Variants in NRG1 observed in about 807,000 individuals in gnomAD.
NRG1 encodes the protein pro-neuregulin-1, membrane-bound isoform.
In NRG1, 18 loss-of-function variants were observed where a neutral mutation model predicts 63.8. The observed-to-expected ratio is 0.28, with a 90% CI of 0.19 to 0.42. NRG1 has a LOEUF of 0.42. NRG1 is among the 10% of genes least tolerant of loss of function. NRG1 has a pLI of 1.00. For synonymous variants in NRG1, 302 were observed against 301.3 expected (o/e 1.00, Z -0.02); for missense variants, 762 against 814.7 (o/e 0.94, Z 0.79).
chr8:32,270,777 T>C (rs538102056), intron 1 of NRG1, among the ~76,000 whole-genome samples: 1 of 152,320 alleles, frequency 6.6e-6, no homozygotes, highest in African/African-American at 2.4e-5. Context: ...TTGAGAACAT[T>C]GACACCACAG....
At chr8:31,878,469 T>TA (rs1308781390) in intron 1 of NRG1, among the ~76,000 whole-genome samples, 2 of 152,222 alleles carry the variant, frequency 1.3e-5, no homozygotes, top group African/African-American at 4.8e-5. Context: ...AAAAGCAGTA[T>TA]ACTCAGGGGA....
chr8:32,413,345 G>A (rs913188115), intron 1 of NRG1, among the ~76,000 whole-genome samples: 3 of 152,134 alleles, frequency 2.0e-5, no homozygotes, highest in African/African-American at 7.2e-5. Flanking sequence ...ATATAGATGA[G>A]AGTAAAAGGC....
At chr8:31,751,856 G>T (rs1816506258) in intron 1 of NRG1, among the ~76,000 whole-genome samples, 1 of 151,970 alleles carries the variant, frequency 6.6e-6, no homozygotes, top group Non-Finnish European at 1.5e-5. Flanking sequence ...TAATAAAATG[G>T]ATGGGGGTGC....
chr8:31,736,977 CA>C (rs766851248), intron 1 of NRG1, among the ~76,000 whole-genome samples: 2 of 152,118 alleles, frequency 1.3e-5, no homozygotes, highest in African/African-American at 2.4e-5. Flanking sequence ...TGGACAAATA[CA>C]TGGTTTTGGT....
chr8:31,652,808 G>C (rs760913343), intron 1 of NRG1, among the ~76,000 whole-genome samples: 1 of 152,156 alleles, frequency 6.6e-6, no homozygotes, highest in Non-Finnish European at 1.5e-5. Context: ...CAAGTGAAAA[G>C]TGTTGTATAA....
chr8:32,699,016 A>G (rs1327010788), intron 5 of NRG1, among the ~76,000 whole-genome samples: 8 of 152,190 alleles, frequency 5.3e-5, no homozygotes, highest in Non-Finnish European at 1.0e-4. Context: ...AAAATTCACA[A>G]GTGCCATTAT....
intron 1 of NRG1, among the ~76,000 whole-genome samples, chr8:32,148,649 C>A (rs1837173488): frequency 6.6e-6 from 1 of 152,176 alleles, no homozygotes; most frequent in Non-Finnish European, 1.5e-5. Flanking sequence ...CAAATGACCT[C>A]TGTTGGAAGT....
intron 1 of NRG1, among the ~76,000 whole-genome samples, chr8:32,301,899 A>G (rs1269629101): frequency 2.0e-5 from 3 of 152,150 alleles, no homozygotes; most frequent in Non-Finnish European, 4.4e-5. Flanking sequence ...TTTGCAAAAT[A>G]TCAAAACAGA....
downstream of NRG1, among the ~76,000 whole-genome samples, chr8:32,770,311 A>G (rs1353172896): frequency 6.6e-6 from 1 of 152,180 alleles, no homozygotes; most frequent in African/African-American, 2.4e-5. Context: ...GTAAGTGATG[A>G]GGAAAATTTA....
chr8:32,302,179 G>A (rs1450636627), intron 1 of NRG1, among the ~76,000 whole-genome samples: 1 of 152,148 alleles, frequency 6.6e-6, no homozygotes, highest in East Asian at 1.9e-4. Flanking sequence ...TGGGGGTGCA[G>A]GAATTCCCAG....
intron 5 of NRG1, among the ~76,000 whole-genome samples, chr8:32,674,986 G>C (rs974073579): frequency 6.6e-6 from 1 of 152,064 alleles, no homozygotes; most frequent in African/African-American, 2.4e-5. Flanking sequence ...TGTATTATAT[G>C]GGATACCACT....
At chr8:31,963,163 G>A (rs967961179) in intron 1 of NRG1, among the ~76,000 whole-genome samples, 2 of 152,124 alleles carry the variant, frequency 1.3e-5, no homozygotes, top group Non-Finnish European at 2.9e-5. Context: ...GACCAACAGC[G>A]ACACAGATCA....
At chr8:32,764,060 G>A (rs1029460035) in exon 12 of NRG1, 20 of 1,613,916 alleles carry the variant, frequency 1.2e-5, no homozygotes, top group East Asian at 2.2e-5. Flanking sequence ...AGTATGAAAC[G>A]ACCCAAGAGT....
intron 1 of NRG1, among the ~76,000 whole-genome samples, chr8:31,826,363 G>A (rs1824560263): frequency 6.6e-6 from 1 of 152,094 alleles, no homozygotes; most frequent in South Asian, 2.1e-4. Flanking sequence ...TCTTTCCTGT[G>A]CTGTTCTCGT....
chr8:32,017,289 T>C (rs1465629428), intron 1 of NRG1, among the ~76,000 whole-genome samples: 1 of 152,230 alleles, frequency 6.6e-6, no homozygotes, highest in African/African-American at 2.4e-5. Flanking sequence ...GTGGAAAAAC[T>C]GTATTGTAGA....
At chr8:31,970,448 G>A (rs1267741008) in intron 1 of NRG1, among the ~76,000 whole-genome samples, 1 of 152,136 alleles carries the variant, frequency 6.6e-6, no homozygotes, top group African/African-American at 2.4e-5. Flanking sequence ...CCATGTTAAG[G>A]ATAGATGGGA....
intron 1 of NRG1, among the ~76,000 whole-genome samples, chr8:31,874,786 G>A (rs57310164): frequency 0.37 from 54,375 of 148,032 alleles, 10,499 homozygotes; most frequent in African/African-American, 0.51. Flanking sequence ...TCTGGTAACT[G>A]TCCTTCTATT....
At chr8:32,431,806 A>T (rs1208765126) in intron 1 of NRG1, among the ~76,000 whole-genome samples, 2 of 152,132 alleles carry the variant, frequency 1.3e-5, no homozygotes, top group Non-Finnish European at 2.9e-5. Context: ...AGCAATAACA[A>T]CTTGAGTCGG....
Position 32,272,855 on chromosome 8 carries a change from A to G in NRG1, c.38-322973A>G, listed in dbSNP as rs574831479. ...AGTAAAATAAATCAGAGTTTCCTTT[A>G]TCTTAGCTAGAAACACCTATTGGGA... On this transcript the variant is annotated intron_variant, in intron 1 of 10. Transcript: ENST00000519301. Among the ~76,000 whole-genome samples the G allele has an allele frequency of 2.5e-4, 38 of 152,292 alleles. 1 individual carries two copies. Among genetic ancestry groups the G allele is most frequent in the African/African-American group, 8.9e-4 (37 of 41,570 alleles).
Sources: allele counts gnomAD v4.1 joint callset (sites outside exome capture counted in the v4.1 genomes callset), GRCh38; gene constraint gnomAD v4.1.1; transcripts MANE v1.5; gene names NCBI Gene and HGNC (gene_info 2026-07-23, HGNC 2026-07-21).